Variants in UROC1 observed in about 807,000 individuals in gnomAD.
The protein encoded by UROC1 is urocanate hydratase.
UROC1 carries 79 observed loss-of-function variants against 89.5 expected under a neutral mutation model. The ratio of observed to expected loss-of-function variants is 0.88; its 90% CI spans 0.74 to 1.06. The LOEUF (loss-of-function observed/expected upper bound fraction) is 1.06. UROC1 is among the 50% of genes least tolerant of loss of function. The pLI, the probability that UROC1 is intolerant of heterozygous loss-of-function variation, is 0.00. For missense variants in UROC1, 885 were observed against 907.8 expected (o/e 0.97, Z 0.32); for synonymous variants, 361 against 354.8 (o/e 1.02, Z -0.20).
At chr3:126,508,312 G>T in intron 4 of UROC1, 104 bp downstream of exon 4, 1 of 1,375,352 alleles carries the variant, frequency 7.3e-7, no homozygotes, top group South Asian at 1.2e-5. Context: ...CACCAGGGAG[G>T]CAGAGGCCTG....
intron 2 of UROC1, 70 bp from the exon 3 acceptor site, chr3:126,509,748 AGCCCCTGGCC>A: frequency 7.0e-7 from 1 of 1,418,984 alleles, no homozygotes; most frequent in Non-Finnish European, 9.7e-7. Flanking sequence ...GGCCCCGCCC[AGCCCCTGGCC>A]GCTCAGGCAA....
rs770729321 is a variant in UROC1 at position 126,501,323 on chromosome 3, G to A, written c.903-43C>T. 6 of 1,610,586 alleles carry A rather than the reference G, an allele frequency of 3.7e-6. No homozygotes were observed. The African/African-American group carries it at 8.0e-5, about 22-fold the overall frequency. On this transcript the variant is annotated intron_variant, in intron 9 of 19. Transcript: ENST00000290868. Reference sequence around the variant, plus strand: ...CAGAACAGGTGCCCCCTGCACCTGTGCATAGGTGCCCCAGACACACCTGCA... The same window carrying A: ...CAGAACAGGTGCCCCCTGCACCTGTACATAGGTGCCCCAGACACACCTGCA...
chr3:126,507,597 A>T, intron 6 of UROC1, 145 bp downstream of exon 6: 2 of 850,704 alleles, frequency 2.4e-6, no homozygotes, highest in East Asian at 5.2e-5. Context: ...TAAAACTACT[A>T]GGGAATATGT....
At chr3:126,513,135 G>GGGGT (rs145600640) in intron 1 of UROC1, among the ~76,000 whole-genome samples, 2 of 147,798 alleles carry the variant, frequency 1.4e-5, no homozygotes, top group African/African-American at 5.0e-5. Context: ...CACAGAGCAG[G>GGGGT]GTGTGTGTGT....
intron 9 of UROC1, chr3:126,501,906 G>C: frequency 6.3e-7 from 1 of 1,599,254 alleles, no homozygotes; most frequent in Non-Finnish European, 8.5e-7. Context: ...CAGCAGGGAG[G>C]CCGGCCCAGC....
At chr3:126,500,654 C>T in intron 11 of UROC1, 41 bp downstream of exon 11, 1 of 1,613,058 alleles carries the variant, frequency 6.2e-7, no homozygotes, top group Non-Finnish European at 8.5e-7. Context: ...GGTGGTCTGC[C>T]CAGGCCAAAT....
At chr3:126,500,007 G>C in intron 12 of UROC1, 50 bp downstream of exon 12, 1 of 1,564,482 alleles carries the variant, frequency 6.4e-7, no homozygotes, top group Non-Finnish European at 8.8e-7. Flanking sequence ...CTGAGAGGCT[G>C]GGCCCAGGGT....
intron 13 of UROC1, 120 bp from the exon 14 acceptor site, chr3:126,498,292 G>A: frequency 6.4e-7 from 1 of 1,555,822 alleles, no homozygotes. Context: ...AACCCCCTAA[G>A]CTGTCATTGG....
chr3:126,500,746 T>C lies in UROC1; in HGVS notation c.1094A>G (p.Gln365Arg), dbSNP rs1250455777. ...AGCAGGGTTGGAGGCCATGAGGCTC[T>C]GGGCCTCCGTGAAGCTGAGCTGCAC... ...YPVQLSFTEA[Q>R]SLMASNPAVF... Residue 365 changes from glutamine to arginine, a missense_variant, in exon 11 of 20, where the codon CAG becomes CGG. By Grantham distance (43) the Gln-to-Arg change is conservative. Transcript: ENST00000290868. 4 of 1,614,134 alleles carry C rather than the reference T, an allele frequency of 2.5e-6. No homozygotes were observed. The highest frequency in any genetic ancestry group is 3.4e-6 in the Non-Finnish European group (4 of 1,180,038).
In UROC1 at chr3:126,482,333, C is replaced by T. The variant is rs1267341035; in HGVS notation, c.*12G>A. 18 of 1,611,476 alleles carry T rather than the reference C, an allele frequency of 1.1e-5. No homozygotes were observed. Among genetic ancestry groups the T allele is most frequent in the Non-Finnish European group, 1.5e-5 (18 of 1,179,106 alleles). On this transcript the variant is annotated 3_prime_UTR_variant, in exon 20 of 20. Coordinates refer to ENST00000290868, the MANE Select transcript of UROC1 (RefSeq NM_144639.3). ...GGAGGAAGGGAGGCAGGGGCCGCGACTCCTGGCTCCCTCAGAGCTGCAGGG... is the reference window on the plus strand; with the variant it reads ...GGAGGAAGGGAGGCAGGGGCCGCGATTCCTGGCTCCCTCAGAGCTGCAGGG...
chr3:126,515,565 C>T lies in UROC1; in HGVS notation c.126+2029G>A, dbSNP rs528250729. Among the ~76,000 whole-genome samples, 23 of 117,748 alleles carry T rather than the reference C, an allele frequency of 2.0e-4. No homozygotes were observed. In the South Asian group the frequency reaches 4.2e-3, roughly 22 times the overall value. 77.2% of individuals were successfully genotyped at this position (117,748 alleles called of 152,430 possible). The stretch of plus-strand genomic sequence containing the variant: ...CCAGCACCCACCACCTACCCCCTTC[C>T]ACTCCCCAGCACCCACCACCTACCC... On this transcript the variant is annotated intron_variant, in intron 1 of 19. Coordinates refer to ENST00000290868, the MANE Select transcript of UROC1 (RefSeq NM_144639.3).
At chr3:126,507,714 G>A (rs1160349757) in intron 6 of UROC1, 28 bp downstream of exon 6, 5 of 1,611,702 alleles carry the variant, frequency 3.1e-6, no homozygotes, top group Non-Finnish European at 4.2e-6. Flanking sequence ...GGGAAACACG[G>A]TGTAAACAGA....
At position 126,517,579 on chromosome 3, in the gene UROC1, G is replaced by A. The variant is rs144425182; in HGVS notation, c.126+15C>T. 8.1e-4 allele frequency: 1,314 copies of A among 1,612,340 alleles called. No homozygotes were observed. The highest frequency in any genetic ancestry group is 1.0e-3 in the Non-Finnish European group (1,192 of 1,179,702). On this transcript the variant is annotated intron_variant, in intron 1 of 19. Coordinates refer to ENST00000290868, the MANE Select transcript of UROC1 (RefSeq NM_144639.3). ...CTAGAGGCCAAGGCCTCGGGAGCAC[G>A]GGCCCACTGCTTACCTGTTTCTCCA...
chr3:126,491,116 A>C (rs996945868), intron 16 of UROC1, among the ~76,000 whole-genome samples: 1 of 152,180 alleles, frequency 6.6e-6, no homozygotes, highest in African/African-American at 2.4e-5. Context: ...TCACCTGTGC[A>C]ATGAAACCAC....
rs768155854 is a variant in UROC1, at chr3:126,488,180, C to T, written c.1790+18G>A. ...ACTTCCACATCAGCCCACACCCTGT[C>T]CTCTGAAACCTTCTTACCAGCCCAC... On this transcript the variant is annotated intron_variant, in intron 18 of 19. Transcript: ENST00000290868. 1.9e-6 allele frequency: 3 copies of T among 1,614,210 alleles called. No individual in the cohort carries two copies. The highest frequency in any genetic ancestry group is 1.6e-4 in the Middle Eastern group (1 of 6,062).
intron 15 of UROC1, among the ~76,000 whole-genome samples, chr3:126,493,695 C>A (rs1206272870): frequency 6.6e-6 from 1 of 152,180 alleles, no homozygotes; most frequent in Non-Finnish European, 1.5e-5. Context: ...CTTGAAGCCA[C>A]TGCACTGCAC....
intron 19 of UROC1, among the ~76,000 whole-genome samples, chr3:126,482,763 T>C (rs979503108): frequency 8.5e-5 from 13 of 152,086 alleles, no homozygotes; most frequent in Admixed American, 2.6e-4. Flanking sequence ...CTCCCTCCCT[T>C]CTAGAATCCA....
intron 16 of UROC1, 28 bp from the exon 17 acceptor site, chr3:126,489,403 G>A (rs1227688517): frequency 1.9e-6 from 3 of 1,588,876 alleles, no homozygotes; most frequent in Admixed American, 3.3e-5. Flanking sequence ...GAAGCTGTCA[G>A]CCAACAGTGT....
At chr3:126,504,213 G>T in intron 8 of UROC1, 130 bp from the exon 9 acceptor site, 1 of 879,754 alleles carries the variant, frequency 1.1e-6, no homozygotes, top group Non-Finnish European at 1.9e-6. Flanking sequence ...CACAGTCTCA[G>T]GGAAGACACC....
Sources: gnomAD v4.1 joint callset for allele counts (sites outside exome capture counted in the v4.1 genomes callset) on GRCh38, gnomAD v4.1.1 for gene constraint, MANE v1.5 for transcripts, NCBI Gene and HGNC (gene_info 2026-07-23, HGNC 2026-07-21) for gene names.